The following PARP10 variants were observed in gnomAD, a reference collection of about 807,000 sequenced individuals.
PARP10 encodes poly(ADP-ribose) polymerase family member 10.
Under a neutral mutation model 82.4 loss-of-function variants are expected in PARP10, and 56 were observed. The ratio of observed to expected loss-of-function variants is 0.68; its 90% confidence interval spans 0.55 to 0.85. PARP10 has a LOEUF of 0.85. Ranked by LOEUF, PARP10 falls within the 40% of genes least tolerant of loss-of-function variation. PARP10 has a pLI of 0.00. For synonymous variants in PARP10, 576 were observed against 601.1 expected, an observed-to-expected ratio of 0.96 and a Z score of 0.61; for missense variants, 1,227 against 1,379.4, an observed-to-expected ratio of 0.89 and a Z score of 1.75.
In PARP10 at chr8:143,985,940, G is replaced by A; in HGVS notation, c.217C>T (p.Leu73=). The change falls in exon 3 of 11, where the codon CTA becomes TTA. Residue 73 remains leucine (L), a synonymous_variant. Coordinates refer to ENST00000313028, the MANE Select transcript of PARP10 (RefSeq NM_032789.5). ...ERVLAQADHE[L]HGAQLSLRPA... ...CGCAGGCTCAGCTGGGCACCATGTA[G>A]TTCGTGATCTGCCTGGGCCAAGACC... The A allele has an allele frequency of 6.3e-7, 1 of 1,581,340 alleles. No homozygotes were observed. Among genetic ancestry groups the A allele is most frequent in the Non-Finnish European group, 8.6e-7 (1 of 1,159,822 alleles).
chr8:143,991,361 T>G, upstream of PARP10: 3 of 1,158,248 alleles, frequency 2.6e-6, no homozygotes, highest in Admixed American at 5.7e-5. Flanking sequence ...CACAGCCCCC[T>G]TTCCAGCCCT....
upstream of PARP10, chr8:143,986,490 C>T: frequency 6.8e-7 from 1 of 1,469,578 alleles, no homozygotes. Flanking sequence ...AGGGAGGGAG[C>T]AGCTGGGCCC....
At chr8:143,980,511 G>A (rs1554747494) in intron 9 of PARP10, among the ~76,000 whole-genome samples, 3 of 150,028 alleles carry the variant, frequency 2.0e-5, no homozygotes, top group Non-Finnish European at 4.4e-5. Flanking sequence ...AACAGAGAGA[G>A]ACACTGTCTC....
At chr8:143,991,985 CTA>C, upstream of PARP10, 1 of 1,613,606 alleles carries the variant, frequency 6.2e-7, no homozygotes, top group Non-Finnish European at 8.5e-7. Context: ...TCTGGACCTA[CTA>C]TGTCTCCTAT....
At chr8:143,979,328 T>C (rs1833793486) in intron 9 of PARP10, among the ~76,000 whole-genome samples, 1 of 152,098 alleles carries the variant, frequency 6.6e-6, no homozygotes, top group African/African-American at 2.4e-5. Flanking sequence ...CCGGAAGAAG[T>C]CTCACCTTCT....
rs902311002 is a variant in PARP10 at position 143,983,589 on chromosome 8, T to C, written c.2000A>G (p.Gln667Arg). ...QLALHRSLEPQGQVAEQEEAA... is the reference protein window; with the variant it reads ...QLALHRSLEPRGQVAEQEEAA... ...CTCCTCCTGCTCAGCCACCTGACCT[T>C]GAGGCTCCAGTGACCGGTGGAGGGC... is the stretch of plus-strand genomic sequence containing the variant. The change falls in exon 8 of 11, where the codon CAA (glutamine) becomes CGA (arginine). Residue 667 changes from glutamine (Q) to arginine (R), a missense_variant. Transcript: ENST00000313028. 2.5e-6 allele frequency: 4 copies of C among 1,605,866 alleles called. No individual in the cohort carries two copies. The highest frequency in any genetic ancestry group is 1.3e-5 in the African/African-American group (1 of 74,784).
chr8:144,009,649 A>G (rs1426470320), intron 1 of PARP10, among the ~76,000 whole-genome samples: 6 of 152,134 alleles, frequency 3.9e-5, no homozygotes, highest in African/African-American at 1.4e-4. Flanking sequence ...CTCCTGGCTC[A>G]TCTCCTTAAC....
chr8:143,990,026 G>GCCCGGCCCCGCC (rs1554750179), upstream of PARP10: 1 of 142,008 alleles, frequency 7.0e-6, no homozygotes, highest in Non-Finnish European at 1.5e-5. The surrounding 1 kb of genome is among the most constrained non-coding windows in gnomAD (Gnocchi z 5.6). Flanking sequence ...CCCGAAGCTC[G>GCCCGGCCCCGCC]CCCGGCCCCG....
At chr8:143,982,847 A>C in intron 9 of PARP10, 85 bp downstream of exon 9, 1 of 1,557,106 alleles carries the variant, frequency 6.4e-7, no homozygotes, top group Non-Finnish European at 8.7e-7. Flanking sequence ...TGTAGGCGAG[A>C]GGGACAGGCC....
chr8:143,984,141 G>T (rs371873559), intron 6 of PARP10, 37 bp from the exon 7 acceptor site: 4 of 1,566,926 alleles, frequency 2.6e-6, no homozygotes, highest in Non-Finnish European at 3.5e-6. Flanking sequence ...TAGCCTCTGG[G>T]CAAGGGCAGA....
intron 9 of PARP10, among the ~76,000 whole-genome samples, chr8:143,982,085 G>A (rs62530291): frequency 0.41 from 62,358 of 151,690 alleles, 13,249 homozygotes; most frequent in African/African-American, 0.46. Context: ...TCTGGGGACA[G>A]CCAGAGGTTC....
rs1449873775 is a variant in PARP10, at chr8:143,985,068, G to A, written c.934C>T (p.Pro312Ser). The A allele has an allele frequency of 1.9e-6, 3 of 1,613,820 alleles. No homozygotes were observed. The Admixed American group carries it at 5.0e-5, about 27-fold the overall frequency. ...GQSGASLRTG[P>S]MVQGRGIMTT... ...ATAATCCCTCTACCCTGCACCATGGGACCTGTCCTCAGAGAGGCCCCTGAC... is the reference window on the plus strand; with the variant it reads ...ATAATCCCTCTACCCTGCACCATGGAACCTGTCCTCAGAGAGGCCCCTGAC... Residue 312 changes from proline to serine, a missense_variant, in exon 5 of 11, where the codon CCC becomes TCC. Pro to Ser is a moderately conservative substitution (Grantham distance 74). Transcript: ENST00000313028.
rs1343312593 is a variant in PARP10 at position 144,006,532 on chromosome 8, G to A, written c.-80+5998C>T. Among the ~76,000 whole-genome samples, 3 of 152,244 alleles carry A rather than the reference G, an allele frequency of 2.0e-5. No homozygotes were observed. In the East Asian group the frequency reaches 5.8e-4, roughly 29 times the overall value. On this transcript the variant is annotated intron_variant, in intron 1 of 3. Transcript: ENST00000530478. ...GGCAACACGCAAGCGGAGTCTGAAG[G>A]AAGAGTAGGAATTAACCAAAGTTTG...
upstream of PARP10, chr8:143,992,386 C>T: frequency 1.2e-6 from 2 of 1,608,264 alleles, no homozygotes; most frequent in Non-Finnish European, 1.7e-6. Context: ...GAGGGGCCTC[C>T]CGTGGCTGGG....
intron 1 of PARP10, among the ~76,000 whole-genome samples, chr8:143,999,854 G>A (rs1312073213): frequency 2.0e-5 from 3 of 152,052 alleles, no homozygotes; most frequent in Non-Finnish European, 2.9e-5. Flanking sequence ...AAGACAGGTC[G>A]ATAGAAAATA....
upstream of PARP10, chr8:143,991,358 C>A (rs782607968): frequency 2.4e-6 from 3 of 1,243,206 alleles, no homozygotes; most frequent in Non-Finnish European, 3.4e-6. Flanking sequence ...ACCCACAGCC[C>A]CCTTTCCAGC....
intron 1 of PARP10, among the ~76,000 whole-genome samples, chr8:144,010,198 T>C (rs982288440): frequency 1.3e-5 from 2 of 152,216 alleles, no homozygotes; most frequent in Non-Finnish European, 2.9e-5. Flanking sequence ...AGGCAGCATT[T>C]ATCGCAGGGT....
rs782255310 is a variant in PARP10, at chr8:143,983,297, C to A, written c.2292G>T (p.Leu764=). ...LERCHGVSVA[L]RGDCTILRGF... ...CACGGAGGATGGTGCAGTCACCACG[C>A]AGGGCAACACTCACACCATGGCACC... The change falls in exon 8 of 11, where the codon CTG becomes CTT. Residue 764 remains leucine (L), a synonymous_variant. Coordinates refer to ENST00000313028, the MANE Select transcript of PARP10 (RefSeq NM_032789.5). 2 of 1,612,760 alleles carry A rather than the reference C, an allele frequency of 1.2e-6. No individual in the cohort carries two copies. The highest frequency in any genetic ancestry group is 1.7e-6 in the Non-Finnish European group (2 of 1,179,760).
In PARP10 at chr8:143,983,060, C is replaced by T; in HGVS notation, c.2428G>A (p.Gly810Arg). ...TTCCAGGGCCCCTTCAGCGTCTGCC[C>T]CGCCACTGATGCATGGGGAAAAGCG... ...PLAASGPTLA[G>R]QTLKGPWNNL... Residue 810 changes from glycine to arginine, a missense_variant, in exon 9 of 11, where the codon GGG becomes AGG. Physicochemically the swap from Gly to Arg is moderately radical, Grantham distance 125. Transcript: ENST00000313028. 1 of 1,613,964 alleles carries T rather than the reference C, an allele frequency of 6.2e-7. No homozygotes were observed. The highest frequency in any genetic ancestry group is 1.7e-4 in the Middle Eastern group (1 of 6,060).
Sources: allele counts gnomAD v4.1 joint callset (sites outside exome capture counted in the v4.1 genomes callset), GRCh38; gene constraint gnomAD v4.1.1; non-coding constraint Gnocchi (gnomAD v3.1); transcripts MANE v1.5; gene names NCBI Gene and HGNC (gene_info 2026-07-23, HGNC 2026-07-21).